Variants in CNNM2 observed in about 807,000 individuals in gnomAD.
CNNM2 encodes cyclin and CBS domain divalent metal cation transport mediator 2.
Under a neutral mutation model 66.9 loss-of-function variants are expected in CNNM2, and 12 were observed. That is an observed-to-expected ratio of 0.18 (90% CI 0.11 to 0.29). The LOEUF is 0.29. Ranked by LOEUF, CNNM2 falls within the 10% of genes least tolerant of loss-of-function variation. CNNM2 has a pLI of 1.00. For synonymous variants in CNNM2, 557 were observed against 501.8 expected (o/e 1.11, Z -1.47); for missense variants, 705 against 1,167.7 (o/e 0.60, Z 5.77).
intron 1 of CNNM2, among the ~76,000 whole-genome samples, chr10:103,004,799 GC>G (rs1221112254): frequency 1.3e-5 from 2 of 152,158 alleles, no homozygotes; most frequent in Non-Finnish European, 2.9e-5. Flanking sequence ...GATCGTCTCA[GC>G]TTTTCTTGGA....
chr10:103,055,569 C>T (rs1359036669), intron 3 of CNNM2, among the ~76,000 whole-genome samples: 1 of 152,212 alleles, frequency 6.6e-6, no homozygotes, highest in Non-Finnish European at 1.5e-5. Context: ...CTTGATTGCT[C>T]AGAATGGTAA....
chr10:102,981,374 T>A (rs968316296), intron 1 of CNNM2, among the ~76,000 whole-genome samples: 6 of 151,492 alleles, frequency 4.0e-5, no homozygotes, highest in Non-Finnish European at 7.4e-5. Flanking sequence ...AACAAATAAT[T>A]CCCTTCCTCT....
intron 1 of CNNM2, chr10:102,927,476 T>C (rs1432697365): frequency 1.9e-6 from 3 of 1,593,730 alleles, no homozygotes; most frequent in Non-Finnish European, 2.6e-6. Flanking sequence ...GGGGTGGCAG[T>C]TGGCTGGGCG....
At chr10:103,020,985 T>C (rs999020219) in intron 1 of CNNM2, among the ~76,000 whole-genome samples, 3 of 152,080 alleles carry the variant, frequency 2.0e-5, no homozygotes, top group African/African-American at 7.2e-5. Context: ...GTGACTAAGT[T>C]AAGATTGAAA....
chr10:103,069,814 C>T, intron 5 of CNNM2, among the ~76,000 whole-genome samples: 1 of 152,228 alleles, frequency 6.6e-6, no homozygotes, highest in East Asian at 1.9e-4. Flanking sequence ...GTGGCAAAAA[C>T]ACCAAATGAT....
chr10:102,999,230 C>G (rs2064066679), intron 1 of CNNM2, among the ~76,000 whole-genome samples: 1 of 149,358 alleles, frequency 6.7e-6, no homozygotes, highest in Non-Finnish European at 1.5e-5. Context: ...GTCACCCTGC[C>G]CGGCTAATTT....
At position 102,918,368 on chromosome 10, in the gene CNNM2, C is replaced by A. The variant is rs903428380; in HGVS notation, c.-113C>A. The A allele has an allele frequency of 5.4e-6, 8 of 1,487,008 alleles. No individual in the cohort carries two copies. The highest frequency in any genetic ancestry group is 7.1e-6 in the Non-Finnish European group (8 of 1,121,730). The allele number at this position is 1,487,008 out of a possible 1,614,324, so 92.1% of individuals were successfully genotyped here. A position where few individuals can be genotyped will look rare whatever the true frequency, so the allele number is the denominator to read the frequency against. On this transcript the variant is annotated 5_prime_UTR_variant, in exon 1 of 8. Coordinates refer to ENST00000369878, the MANE Select transcript of CNNM2 (RefSeq NM_017649.5). The surrounding 1 kb of genome is among the most constrained non-coding windows in gnomAD (Gnocchi z 4.1). Reference sequence around the variant, plus strand: ...GTGGAGTCAGTGTCAGTCAGGGAGGCGAACTGCTGAGCACTGGCCGCGGAC... The same window carrying A: ...GTGGAGTCAGTGTCAGTCAGGGAGGAGAACTGCTGAGCACTGGCCGCGGAC...
rs1011324362 is a variant in CNNM2 at position 103,076,294 on chromosome 10, G to A, written c.2418+24G>A. 5 of 1,549,110 alleles carry A rather than the reference G, an allele frequency of 3.2e-6. No individual in the cohort carries two copies. In the African/African-American group the frequency reaches 6.9e-5, roughly 21 times the overall value. ...AGGTGAGAGACGTGAGTGCAGTGTG[G>A]CTGGACCTGGCAGTTAGTTGTCAAC... On this transcript the variant is annotated intron_variant, in intron 7 of 7. Transcript: ENST00000369878.
chr10:102,998,398 A>G (rs2064043956), intron 1 of CNNM2, among the ~76,000 whole-genome samples: 1 of 152,194 alleles, frequency 6.6e-6, no homozygotes, highest in African/African-American at 2.4e-5. Context: ...TTTAACTATC[A>G]AATGCAGCTC....
chr10:103,009,772 C>T (rs369731362), intron 1 of CNNM2, among the ~76,000 whole-genome samples: 1 of 150,080 alleles, frequency 6.7e-6, no homozygotes, highest in Non-Finnish European at 1.5e-5. Context: ...AGTCCATAGA[C>T]AGTGTCTAAA....
At chr10:102,935,123 C>T (rs1385790246) in intron 1 of CNNM2, among the ~76,000 whole-genome samples, 4 of 135,554 alleles carry the variant, frequency 3.0e-5, no homozygotes, top group Non-Finnish European at 6.1e-5. Context: ...CGCGCCATTG[C>T]ATTCCAGCCT....
intron 1 of CNNM2, among the ~76,000 whole-genome samples, chr10:103,003,449 T>G (rs1481806804): frequency 2.0e-5 from 3 of 152,276 alleles, no homozygotes; most frequent in African/African-American, 7.2e-5. Flanking sequence ...ACTTTTAAAT[T>G]ATAACGTGTA....
In CNNM2 at chr10:103,087,172, T is replaced by TTTTTTTA. The variant is rs1261111286; in HGVS notation, c.*9992_*9993insTTTTTTA. Reference sequence around the variant, plus strand: ...TTTTTTTTTTTTTTTTTTTTTTTTTTAAGGAAAAAAGTATACCTTTTAAGT... The same window carrying TTTTTTTA: ...TTTTTTTTTTTTTTTTTTTTTTTTTTTTTTTTAAAGGAAAAAAGTATACCTTTTAAGT... On this transcript the variant is annotated 3_prime_UTR_variant, in exon 8 of 8. Transcript: ENST00000369878. The TTTTTTTA allele has an allele frequency of 3.7e-5, 4 of 108,092 alleles. No homozygotes were observed. The highest frequency in any genetic ancestry group is 1.0e-4 in the African/African-American group (3 of 29,902). 6.7% of individuals were successfully genotyped at this position (108,092 alleles called of 1,614,324 possible).
intron 1 of CNNM2, among the ~76,000 whole-genome samples, chr10:102,955,488 CA>C (rs909423357): frequency 6.6e-6 from 1 of 152,102 alleles, no homozygotes; most frequent in African/African-American, 2.4e-5. Flanking sequence ...ACTAAAACAC[CA>C]AAAGCAATGG....
At chr10:103,045,867 ACTC>A (rs1435780247) in intron 1 of CNNM2, among the ~76,000 whole-genome samples, 1 of 152,052 alleles carries the variant, frequency 6.6e-6, no homozygotes, top group Non-Finnish European at 1.5e-5. Flanking sequence ...CTGGTCCCAA[ACTC>A]CTGGCCTCAA....
intron 1 of CNNM2, among the ~76,000 whole-genome samples, chr10:103,007,960 C>T (rs751963307): frequency 3.9e-5 from 6 of 152,290 alleles, no homozygotes; most frequent in South Asian, 2.1e-4. Context: ...GTTCCTCTGC[C>T]GCGGCTCCAG....
At chr10:103,006,681 C>T (rs1483033304) in intron 1 of CNNM2, among the ~76,000 whole-genome samples, 1 of 152,192 alleles carries the variant, frequency 6.6e-6, no homozygotes, top group Non-Finnish European at 1.5e-5. Context: ...GGCTGGAGTG[C>T]AATGGTGCGA....
At chr10:103,009,674 C>CAAAAAAAAAAAAAAAAAAAAAAAAAAA (rs36096913) in intron 1 of CNNM2, among the ~76,000 whole-genome samples, 1 of 58,634 alleles carries the variant, frequency 1.7e-5, no homozygotes, top group Non-Finnish European at 3.1e-5. Context: ...CCTGAGTCTC[C>CAAAAAAAAAAAAAAAAAAAAAAAAAAA]AAAAAAAAAA....
intron 1 of CNNM2, among the ~76,000 whole-genome samples, chr10:102,924,578 T>C (rs1400352767): frequency 6.6e-6 from 1 of 152,196 alleles, no homozygotes; most frequent in Non-Finnish European, 1.5e-5. Flanking sequence ...CACATTTTTT[T>C]CTCACCAAAT....
Sources: gnomAD v4.1 joint callset for allele counts (sites outside exome capture counted in the v4.1 genomes callset) on GRCh38, gnomAD v4.1.1 for gene constraint, Gnocchi (gnomAD v3.1) non-coding constraint, MANE v1.5 for transcripts, NCBI Gene and HGNC (gene_info 2026-07-23, HGNC 2026-07-21) for gene names.